The following SUMF1 variants were observed in gnomAD, a reference collection of about 807,000 sequenced individuals.
SUMF1 encodes the protein formylglycine-generating enzyme.
Under a neutral mutation model 47.6 loss-of-function variants are expected in SUMF1, and 48 were observed. The observed-to-expected ratio is 1.01, with a 90% CI of 0.80 to 1.28. The LOEUF is 1.28. SUMF1 is among the 50% of genes most tolerant of loss of function. The probability of loss-of-function intolerance (pLI) is 0.00; values close to 1 mark genes in which losing one functional copy is unlikely to be tolerated. For synonymous variants in SUMF1, 230 were observed against 192.1 expected (o/e 1.20, Z -1.63); for missense variants, 571 against 485.4 (o/e 1.18, Z -1.66).
At chr3:4,058,108 T>G (rs1490523748) in intron 9 of SUMF1, among the ~76,000 whole-genome samples, 1 of 152,044 alleles carries the variant, frequency 6.6e-6, no homozygotes, top group Non-Finnish European at 1.5e-5. Flanking sequence ...TTTTTATAGA[T>G]GAGAAAACTG....
intron 8 of SUMF1, among the ~76,000 whole-genome samples, chr3:4,213,392 T>A (rs1695843450): frequency 6.6e-6 from 1 of 152,156 alleles, no homozygotes; most frequent in South Asian, 2.1e-4. Context: ...AGGCCTGCGT[T>A]ACAAGAGCTC....
rs578168407 is a variant in SUMF1, at chr3:4,141,236, C to A, written c.1015-72491G>T. Among the ~76,000 whole-genome samples, 7 of 152,292 alleles carry A rather than the reference C, an allele frequency of 4.6e-5. No homozygotes were observed. In the South Asian group the frequency reaches 1.4e-3, roughly 32 times the overall value. On this transcript the variant is annotated intron_variant and NMD_transcript_variant, in intron 8 of 12. Transcript: ENST00000448413. ...AGAGTACTGTGTTGACCTTTTATCT[C>A]ATTTCCCTCCTAATACGGAGGTAAT...
chr3:4,057,343 A>G (rs1333605191), intron 9 of SUMF1, among the ~76,000 whole-genome samples: 3 of 152,112 alleles, frequency 2.0e-5, no homozygotes, highest in African/African-American at 7.2e-5. Context: ...CACTCACTGC[A>G]TAAGGCGTGA....
At chr3:4,278,571 G>A (rs1050700955) in intron 8 of SUMF1, among the ~76,000 whole-genome samples, 3 of 151,964 alleles carry the variant, frequency 2.0e-5, no homozygotes, top group East Asian at 1.9e-4. Context: ...AATCAAATAC[G>A]TCTATGAGAC....
chr3:4,355,051 C>T (rs547895187), intron 8 of SUMF1, among the ~76,000 whole-genome samples: 1 of 152,152 alleles, frequency 6.6e-6, no homozygotes, highest in East Asian at 1.9e-4. Flanking sequence ...TGCTAAACTG[C>T]CTTTTAAAGA....
At chr3:4,432,576 C>T (rs558700791) in intron 3 of SUMF1, among the ~76,000 whole-genome samples, 1 of 152,240 alleles carries the variant, frequency 6.6e-6, no homozygotes, top group Non-Finnish European at 1.5e-5. Flanking sequence ...GCTAGCCTTG[C>T]TCATTGTTTA....
chr3:4,385,412 CATCTGTG>C (rs1700639818), intron 7 of SUMF1, among the ~76,000 whole-genome samples: 4 of 152,144 alleles, frequency 2.6e-5, no homozygotes, highest in Admixed American at 2.6e-4. Flanking sequence ...GCTTCCATGC[CATCTGTG>C]TATCTTCTTC....
chr3:4,382,189 A>C (rs528368120), intron 7 of SUMF1, among the ~76,000 whole-genome samples: 1 of 152,354 alleles, frequency 6.6e-6, no homozygotes, highest in South Asian at 2.1e-4. Context: ...TGCCTACTTA[A>C]ATACTGATCA....
At chr3:4,041,967 C>G (rs553647627) in intron 9 of SUMF1, among the ~76,000 whole-genome samples, 5 of 152,216 alleles carry the variant, frequency 3.3e-5, no homozygotes, top group Non-Finnish European at 7.4e-5. Context: ...TTATGCTTTA[C>G]AAAGATGATA....
chr3:4,278,056 C>G (rs968993301), intron 8 of SUMF1, among the ~76,000 whole-genome samples: 1 of 151,956 alleles, frequency 6.6e-6, no homozygotes, highest in East Asian at 1.9e-4. Context: ...AGTTTGGTCC[C>G]AAGTATTTTA....
Position 4,104,666 on chromosome 3 carries a change from T to TTCTCTCTCTCTCTC in SUMF1, c.1015-35935_1015-35922dup, listed in dbSNP as rs111963235. Among the ~76,000 whole-genome samples, 303 of 146,840 alleles carry TTCTCTCTCTCTCTC rather than the reference T, an allele frequency of 2.1e-3. 3 individuals are homozygous for TTCTCTCTCTCTCTC. The highest frequency in any genetic ancestry group is 6.3e-3 in the African/African-American group (250 of 39,932). ...CTAGAGGATCCTAGTAAATCTCGAT[T>TTCTCTCTCTCTCTC]TCTCTCTCTCTCTCTCTCTCTCTCT... is the stretch of plus-strand genomic sequence containing the variant. On this transcript the variant is annotated intron_variant and NMD_transcript_variant, in intron 8 of 12. Transcript: ENST00000448413.
At chr3:4,094,055 A>G (rs1297608437) in intron 8 of SUMF1, among the ~76,000 whole-genome samples, 1 of 152,128 alleles carries the variant, frequency 6.6e-6, no homozygotes, top group Non-Finnish European at 1.5e-5. Flanking sequence ...ACATACCTAA[A>G]CTGAACTGAT....
intron 8 of SUMF1, among the ~76,000 whole-genome samples, chr3:4,254,731 AG>A (rs1275678213): frequency 1.3e-5 from 2 of 149,728 alleles, no homozygotes; most frequent in African/African-American, 4.9e-5. Context: ...CTAGCAAGGC[AG>A]GCCAACGTTC....
At chr3:4,407,085 G>GACACACACACACACACACAC (rs113556805) in intron 7 of SUMF1, among the ~76,000 whole-genome samples, 1 of 148,562 alleles carries the variant, frequency 6.7e-6, no homozygotes, top group African/African-American at 2.5e-5. Flanking sequence ...ACACACATGG[G>GACACACACACACACACACAC]ACACACACAC....
At chr3:4,312,766 G>GCCC (rs1326562894) in intron 8 of SUMF1, 2 of 995,380 alleles carry the variant, frequency 2.0e-6, no homozygotes, top group African/African-American at 3.3e-5. Flanking sequence ...ATCTTAGTAT[G>GCCC]CTGTGTTTTG....
chr3:4,435,031 G>T (rs1702351602), intron 3 of SUMF1, among the ~76,000 whole-genome samples: 1 of 152,186 alleles, frequency 6.6e-6, no homozygotes, highest in Non-Finnish European at 1.5e-5. Context: ...AGGTTCAAGT[G>T]ATTCTTATGT....
chr3:4,193,776 T>A (rs1441328962), intron 8 of SUMF1, among the ~76,000 whole-genome samples: 19 of 152,088 alleles, frequency 1.2e-4, no homozygotes, highest in Non-Finnish European at 2.8e-4. Flanking sequence ...TATTTTACCA[T>A]CTGGGTGACC....
chr3:4,391,626 G>A (rs538198056), intron 7 of SUMF1, among the ~76,000 whole-genome samples: 2 of 152,144 alleles, frequency 1.3e-5, no homozygotes, highest in East Asian at 3.9e-4. Context: ...GGGATTACAG[G>A]TGCATACCAT....
intron 8 of SUMF1, among the ~76,000 whole-genome samples, chr3:4,287,779 C>T (rs529444106): frequency 9.2e-5 from 14 of 152,328 alleles, no homozygotes; most frequent in Non-Finnish European, 1.3e-4. Context: ...GAATATAGTG[C>T]TTTTCCTTGT....
Sources: allele counts gnomAD v4.1 joint callset (sites outside exome capture counted in the v4.1 genomes callset), GRCh38; gene constraint gnomAD v4.1.1; transcripts MANE v1.5; gene names NCBI Gene and HGNC (gene_info 2026-07-23, HGNC 2026-07-21).